ATG14: variants seen among roughly 807,000 people sequenced by gnomAD.
The protein encoded by ATG14 is beclin 1-associated autophagy-related key regulator.
ATG14 carries 35 observed loss-of-function variants against 60.4 expected under a neutral mutation model. That is an observed-to-expected ratio of 0.58 (90% CI 0.44 to 0.77). The LOEUF (loss-of-function observed/expected upper bound fraction) is 0.77. ATG14 is among the 30% of genes least tolerant of loss of function. ATG14 has a pLI of 0.00. For synonymous variants in ATG14, 234 were observed against 228.8 expected (o/e 1.02, Z -0.21); for missense variants, 647 against 626.3 (o/e 1.03, Z -0.35).
At chr14:55,377,686 G>GTATTGGACTCCAC in intron 9 of ATG14, 133 bp downstream of exon 9, 1 of 544,194 alleles carries the variant, frequency 1.8e-6, no homozygotes, top group Non-Finnish European at 3.2e-6. Flanking sequence ...GTTTCTTTCT[G>GTATTGGACTCCAC]TATTGGACTC....
chr14:55,378,927 C>CT (rs1884973068), intron 7 of ATG14, among the ~76,000 whole-genome samples: 1 of 151,952 alleles, frequency 6.6e-6, no homozygotes, highest in Admixed American at 6.6e-5. Flanking sequence ...AGGCTGGTCT[C>CT]TAACTCCTGA....
intron 1 of ATG14, among the ~76,000 whole-genome samples, chr14:55,405,011 C>T (rs1010885379): frequency 5.9e-5 from 9 of 152,280 alleles, no homozygotes; most frequent in African/African-American, 2.2e-4. Context: ...GTGATACTAG[C>T]TGAAAATAAG....
chr14:55,378,764 T>G (rs1267290834), intron 7 of ATG14, among the ~76,000 whole-genome samples: 1 of 152,128 alleles, frequency 6.6e-6, no homozygotes, highest in Non-Finnish European at 1.5e-5. Flanking sequence ...ACTGGCATGA[T>G]CATAGCTCAC....
intron 1 of ATG14, among the ~76,000 whole-genome samples, chr14:55,397,673 A>T (rs1261396534): frequency 6.6e-6 from 1 of 152,228 alleles, no homozygotes; most frequent in South Asian, 2.1e-4. Context: ...ATGTCTATAG[A>T]TATCTTCCGC....
intron 9 of ATG14, among the ~76,000 whole-genome samples, chr14:55,374,481 G>T (rs1884882151): frequency 6.6e-6 from 1 of 152,134 alleles, no homozygotes; most frequent in Non-Finnish European, 1.5e-5. Context: ...ACCTATCTAT[G>T]ACATGTCTTT....
chr14:55,397,779 T>C (rs1885335827), intron 1 of ATG14, among the ~76,000 whole-genome samples: 1 of 152,208 alleles, frequency 6.6e-6, no homozygotes, highest in Non-Finnish European at 1.5e-5. Flanking sequence ...CAAATTTTAA[T>C]TACTAATCTG....
In ATG14 at chr14:55,368,621, G is replaced by GCAA. The variant is rs998925777; in HGVS notation, c.*995_*997dup. On this transcript the variant is annotated 3_prime_UTR_variant, in exon 10 of 10. Transcript: ENST00000247178. ...TTCTGAGCAAAGCTGTGTCCTCAGA[G>GCAA]CAACAAAGAGTTCGGGGAAACAAGT... 9 of 152,152 alleles carry GCAA rather than the reference G, an allele frequency of 5.9e-5. No individual in the cohort carries two copies. Among genetic ancestry groups the GCAA allele is most frequent in the Non-Finnish European group, 1.0e-4 (7 of 68,052 alleles). 9.4% of individuals were successfully genotyped at this position (152,152 alleles called of 1,614,324 possible).
In ATG14 at chr14:55,368,981, CTT is replaced by C. The variant is rs1036295033; in HGVS notation, c.*636_*637del. ...TGGATGTGGGTCCTAAAGAAAAAGA[CTT>C]TCATTTTCTTTGGTGTGTGGGGGAA... On this transcript the variant is annotated 3_prime_UTR_variant, in exon 10 of 10. Coordinates refer to ENST00000247178, the MANE Select transcript of ATG14 (RefSeq NM_014924.5). 6.5e-5 allele frequency: 10 copies of C among 152,686 alleles called. No individual in the cohort carries two copies. Among genetic ancestry groups the C allele is most frequent in the African/African-American group, 2.4e-4 (10 of 41,548 alleles). The allele number at this position is 152,686 out of a possible 1,614,324, so 9.5% of individuals were successfully genotyped here. A position where few individuals can be genotyped will look rare whatever the true frequency, so the allele number is the denominator to read the frequency against.
intron 1 of ATG14, among the ~76,000 whole-genome samples, chr14:55,409,919 T>A (rs1169352703): frequency 6.6e-6 from 1 of 152,220 alleles, no homozygotes; most frequent in Non-Finnish European, 1.5e-5. Flanking sequence ...TAAGTTTATG[T>A]CTCTGGTAGA....
intron 7 of ATG14, among the ~76,000 whole-genome samples, chr14:55,378,300 G>A (rs1184049071): frequency 2.0e-5 from 3 of 152,050 alleles, no homozygotes; most frequent in Non-Finnish European, 4.4e-5. Flanking sequence ...GCAATTCCAC[G>A]TCAGGACATT....
At chr14:55,393,223 A>C (rs184086067) in intron 3 of ATG14, among the ~76,000 whole-genome samples, 19 of 148,008 alleles carry the variant, frequency 1.3e-4, no homozygotes, top group Middle Eastern at 3.5e-3. Flanking sequence ...CTACTAAAAA[A>C]ACACAAAAAA....
Position 55,385,914 on chromosome 14 carries a change from T to C in ATG14, c.592A>G (p.Ile198Val). 6.2e-7 allele frequency: 1 copy of C among 1,614,184 alleles called. No individual in the cohort carries two copies. The highest frequency in any genetic ancestry group is 8.5e-7 in the Non-Finnish European group (1 of 1,180,028). Residue 198 changes from isoleucine to valine, a missense_variant, in exon 5 of 10, where the codon ATA (isoleucine) becomes GTA (valine). Transcript: ENST00000247178. The part of the protein sequence containing the change: ...ERLANLRRSH[I>V]LELTSVIFPI... ...AAAATGACAGAGGTGAGCTCTAATA[T>C]ATGGGATCGTCGAAGATTTGCCAGA...
chr14:55,406,061 T>C (rs1161569634), intron 1 of ATG14, among the ~76,000 whole-genome samples: 1 of 152,206 alleles, frequency 6.6e-6, no homozygotes, highest in African/African-American at 2.4e-5. Context: ...ATTTCTCAAC[T>C]AATCTGCCAA....
At chr14:55,407,425 G>A (rs558739543) in intron 1 of ATG14, among the ~76,000 whole-genome samples, 132 of 151,746 alleles carry the variant, frequency 8.7e-4, no homozygotes, top group Middle Eastern at 3.4e-3. Context: ...CACTGCCCCC[G>A]GCCTCATTTT....
intron 5 of ATG14, among the ~76,000 whole-genome samples, chr14:55,383,880 A>G (rs1368081540): frequency 6.6e-6 from 1 of 152,190 alleles, no homozygotes; most frequent in African/African-American, 2.4e-5. Context: ...TGGGATGCAC[A>G]AGGGAAGTGC....
chr14:55,387,872 G>A (rs1566581204), intron 4 of ATG14, among the ~76,000 whole-genome samples: 1 of 152,080 alleles, frequency 6.6e-6, no homozygotes, highest in Admixed American at 6.6e-5. Context: ...TTTGACCATG[G>A]CTGATCTCAA....
chr14:55,373,930 G>A lies in ATG14; in HGVS notation c.1172+3889C>T, dbSNP rs72717736. On this transcript the variant is annotated intron_variant, in intron 9 of 9. Coordinates refer to ENST00000247178, the MANE Select transcript of ATG14 (RefSeq NM_014924.5). ...TCTACACTTTGATTCTGATGAAGCA[G>A]GTGTGAAAAGGGGACTCCTGAAGTT... is the stretch of plus-strand genomic sequence containing the variant. Among the ~76,000 whole-genome samples, 1,000 of 152,286 alleles carry A rather than the reference G, an allele frequency of 6.6e-3. 8 individuals are homozygous for A. The highest frequency in any genetic ancestry group is 0.027 in the Middle Eastern group (8 of 294).
chr14:55,386,624 A>G (rs1885130022), intron 4 of ATG14, among the ~76,000 whole-genome samples: 1 of 152,220 alleles, frequency 6.6e-6, no homozygotes, highest in African/African-American at 2.4e-5. Context: ...AGCAACCAGC[A>G]GGGTGGGTGG....
chr14:55,407,536 A>G (rs1240449360), intron 1 of ATG14, among the ~76,000 whole-genome samples: 2 of 152,182 alleles, frequency 1.3e-5, no homozygotes, highest in African/African-American at 2.4e-5. Flanking sequence ...AAGTGCTGGG[A>G]TTACAGGCAT....
Sources: allele counts gnomAD v4.1 joint callset (sites outside exome capture counted in the v4.1 genomes callset), GRCh38; gene constraint gnomAD v4.1.1; transcripts MANE v1.5; gene names NCBI Gene and HGNC (gene_info 2026-07-23, HGNC 2026-07-21).